The following GEMIN8 variants were observed in gnomAD, a reference collection of about 807,000 sequenced individuals.
The protein encoded by GEMIN8 is gem nuclear organelle associated protein 8, also known as gem-associated protein 8.
For missense variants in GEMIN8, 185 were observed against 205.9 expected, an observed-to-expected ratio of 0.90 and a Z score of 0.62; for synonymous variants, 80 against 78.5, an observed-to-expected ratio of 1.02 and a Z score of -0.10.
intron 2 of GEMIN8, among the ~76,000 whole-genome samples, chrX:14,022,068 GTA>G (rs1390938206): frequency 1.1e-4 from 11 of 99,352 alleles, no homozygotes; most frequent in East Asian, 3.2e-4. Flanking sequence ...GTGTGTGTGT[GTA>G]TATATATATA....
At chrX:14,027,171 A>T (rs1924742137) in intron 1 of GEMIN8, 1 of 113,190 alleles carries the variant, frequency 8.8e-6, no homozygotes, top group Non-Finnish European at 1.9e-5. Flanking sequence ...CACAACAGTA[A>T]GAACTTCCTC....
intron 4 of GEMIN8, among the ~76,000 whole-genome samples, chrX:14,017,974 T>C (rs750582291): frequency 8.9e-6 from 1 of 112,238 alleles, no homozygotes; most frequent in Non-Finnish European, 1.9e-5. Flanking sequence ...GGAAATAATA[T>C]GAAACACAGA....
In GEMIN8 at chrX:14,017,979, C is replaced by A. The variant is rs12013137; in HGVS notation, c.472+2099G>T. 5.9e-3 allele frequency among the ~76,000 whole-genome samples: 659 copies of A among 112,132 alleles called. 4 individuals are homozygous for A. Among genetic ancestry groups the A allele is most frequent in the African/African-American group, 0.02 (615 of 30,864 alleles). On this transcript the variant is annotated intron_variant, in intron 4 of 4. Transcript: ENST00000680255. Reference sequence around the variant, plus strand: ...AGACAGATTTGGAAATAATATGAAACACAGAGATGAAGCTTATCAAGTTTA... The same window carrying A: ...AGACAGATTTGGAAATAATATGAAAAACAGAGATGAAGCTTATCAAGTTTA...
intron 4 of GEMIN8, among the ~76,000 whole-genome samples, chrX:14,016,862 AAAAAAT>A (rs1923949427): frequency 1.3e-5 from 1 of 77,819 alleles, no homozygotes; most frequent in African/African-American, 5.8e-5. Flanking sequence ...AAAAAAAAAA[AAAAAAT>A]ATATATATAT....
chrX:14,009,030 C>T lies in GEMIN8; in HGVS notation c.612G>A (p.Leu204=), dbSNP rs1235483752. Residue 204 remains leucine, a synonymous_variant, in exon 5 of 5, where the codon TTG becomes TTA. Coordinates refer to ENST00000680255, the MANE Select transcript of GEMIN8 (RefSeq NM_001042479.2). ...GGATCTTGGCAGCACTGTCCCCGTA[C>T]AAACGCTTCATCTCGGCCTGGCGCC... ...GERRQAEMKR[L]YGDSAAKIQA... is the part of the protein sequence containing the mutation. 1 of 1,212,068 alleles carries T rather than the reference C, an allele frequency of 8.3e-7. No homozygotes were observed. Among genetic ancestry groups the T allele is most frequent in the Non-Finnish European group, 1.1e-6 (1 of 895,483 alleles).
chrX:13,999,476 G>A, the GEMIN8 span, among the ~76,000 whole-genome samples: 4 of 109,884 alleles, frequency 3.6e-5, no homozygotes, highest in African/African-American at 6.6e-5. Context: ...GGGTTTCACC[G>A]TGTTGCCCAG....
chrX:14,014,574 G>A (rs1923787663), intron 4 of GEMIN8: 1 of 721,861 alleles, frequency 1.4e-6, no homozygotes. Context: ...TCAGGATTGT[G>A]CTCAATCACT....
intron 4 of GEMIN8, 93 bp from the exon 5 acceptor site, chrX:14,009,262 A>C: frequency 1.1e-6 from 1 of 904,841 alleles, no homozygotes; most frequent in Non-Finnish European, 1.6e-6. Context: ...TGGCCATGCC[A>C]TCTGCAGCCC....
chrX:14,024,490 C>T (rs1225646130), intron 2 of GEMIN8, among the ~76,000 whole-genome samples: 1 of 109,503 alleles, frequency 9.1e-6, no homozygotes, highest in Non-Finnish European at 1.9e-5. Context: ...CAGAGTGAGA[C>T]TCAGTCTCAA....
chrX:14,004,620 C>T (rs1399420477), downstream of GEMIN8, among the ~76,000 whole-genome samples: 5 of 112,431 alleles, frequency 4.4e-5, no homozygotes, highest in African/African-American at 6.5e-5. Context: ...CAGGCTGACA[C>T]GGCCTCAGCT....
chrX:14,004,398 G>T (rs1339237905), downstream of GEMIN8, among the ~76,000 whole-genome samples: 1 of 112,083 alleles, frequency 8.9e-6, no homozygotes, highest in Non-Finnish European at 1.9e-5. Context: ...GTGCCCACAT[G>T]GAAGAGTGTC....
Position 14,008,889 on chromosome X carries a change from G to C in GEMIN8, c.*24C>G, listed in dbSNP as rs1335776855. The C allele has an allele frequency of 2.4e-5, 29 of 1,196,655 alleles. No homozygotes were observed. The highest frequency in any genetic ancestry group is 3.2e-5 in the Non-Finnish European group (28 of 883,755). ...CGTGTACCCAAAAGGAAGAAGGAGA[G>C]GCTGGGTACCCTGTGCCCTGAGCTC... On this transcript the variant is annotated 3_prime_UTR_variant, in exon 5 of 5. Transcript: ENST00000680255.
At chrX:14,021,261 G>A (rs1924293013) in intron 3 of GEMIN8, among the ~76,000 whole-genome samples, 1 of 70,107 alleles carries the variant, frequency 1.4e-5, no homozygotes, top group African/African-American at 5.6e-5. Flanking sequence ...GGGGGGAGGG[G>A]GGAGGGATAG....
chrX:14,023,512 T>G (rs1029411557), intron 2 of GEMIN8, among the ~76,000 whole-genome samples: 28 of 110,771 alleles, frequency 2.5e-4, no homozygotes, highest in Admixed American at 2.5e-3. Context: ...CCCGAGTAGC[T>G]GGGATTACAG....
the GEMIN8 span, among the ~76,000 whole-genome samples, chrX:13,997,530 G>C: frequency 9.0e-6 from 1 of 111,697 alleles, no homozygotes; most frequent in African/African-American, 3.3e-5. Context: ...AAATGGTTAA[G>C]TCACTAAGTT....
intron 2 of GEMIN8, among the ~76,000 whole-genome samples, chrX:14,021,820 A>ATATATATATATAC (rs1210711361): frequency 6.1e-5 from 3 of 48,881 alleles, no homozygotes; most frequent in African/African-American, 2.7e-4. Flanking sequence ...GTGTGTATAT[A>ATATATATATATAC]TATATATATA....
At chrX:13,997,390 T>C in the GEMIN8 span, among the ~76,000 whole-genome samples, 1 of 111,491 alleles carries the variant, frequency 9.0e-6, no homozygotes, top group East Asian at 2.8e-4. Context: ...AGATATGTGA[T>C]TGAGGCCATC....
chrX:14,023,223 C>T (rs1924478956), intron 2 of GEMIN8, among the ~76,000 whole-genome samples: 1 of 111,775 alleles, frequency 8.9e-6, no homozygotes, highest in African/African-American at 3.3e-5. Context: ...ATGTGCTTTC[C>T]GGGCCACTGA....
downstream of GEMIN8, among the ~76,000 whole-genome samples, chrX:14,003,781 T>C (rs1923049960): frequency 8.9e-6 from 1 of 112,427 alleles, no homozygotes; most frequent in Non-Finnish European, 1.9e-5. Context: ...TTGTCATAGA[T>C]AGATTGCTAA....
Sources: gnomAD v4.1 joint callset for allele counts (sites outside exome capture counted in the v4.1 genomes callset) on GRCh38, gnomAD v4.1.1 for gene constraint, MANE v1.5 for transcripts, NCBI Gene and HGNC (gene_info 2026-07-23, HGNC 2026-07-21) for gene names.